Variants in RPH3AL observed in about 807,000 individuals in gnomAD.
RPH3AL encodes the protein rab effector Noc2.
In RPH3AL, 38 loss-of-function variants were observed where a neutral mutation model predicts 43.1. That is an observed-to-expected ratio of 0.88 (90% CI 0.68 to 1.15). The LOEUF is 1.15. Among genes scored for constraint, RPH3AL ranks in the 50% most tolerant of loss-of-function variants. RPH3AL has a pLI of 0.00. For synonymous variants in RPH3AL, 189 were observed against 176.3 expected, an observed-to-expected ratio of 1.07 and a Z score of -0.57; for missense variants, 462 against 423.2, an observed-to-expected ratio of 1.09 and a Z score of -0.81.
intron 5 of RPH3AL, among the ~76,000 whole-genome samples, chr17:296,657 G>A (rs2043188327): frequency 1.3e-5 from 2 of 152,242 alleles, no homozygotes; most frequent in Admixed American, 1.3e-4. Flanking sequence ...TCACCTCTGA[G>A]GGGCTGTGGG....
At chr17:273,520 G>T (rs112926643) in intron 6 of RPH3AL, among the ~76,000 whole-genome samples, 1 of 40,808 alleles carries the variant, frequency 2.5e-5, no homozygotes, top group Non-Finnish European at 5.2e-5. Context: ...CGAGGGTGAC[G>T]TCAGGGAGAG....
intron 6 of RPH3AL, among the ~76,000 whole-genome samples, chr17:259,158 A>G (rs1352811456): frequency 6.6e-6 from 1 of 152,096 alleles, no homozygotes; most frequent in African/African-American, 2.4e-5. Context: ...AAGGTCTAAG[A>G]GCTCACCCTG....
At chr17:279,652 T>A (rs184836408) in intron 6 of RPH3AL, among the ~76,000 whole-genome samples, 7 of 152,310 alleles carry the variant, frequency 4.6e-5, no homozygotes, top group Middle Eastern at 3.4e-3. Context: ...CACTTTCTTT[T>A]CCTTCAAAGA....
chr17:329,406 G>A (rs1032201604), intron 2 of RPH3AL, among the ~76,000 whole-genome samples: 1 of 152,182 alleles, frequency 6.6e-6, no homozygotes, highest in Non-Finnish European at 1.5e-5. Context: ...AACCCTGGAG[G>A]TGGAGGTTGC....
At chr17:349,051 G>A (rs955546472) in intron 1 of RPH3AL, 7 of 152,174 alleles carry the variant, frequency 4.6e-5, no homozygotes, top group Non-Finnish European at 8.8e-5. Flanking sequence ...CACTGGGAGT[G>A]AAGAGAAGGC....
chr17:245,666 G>A lies in RPH3AL; in HGVS notation c.613+1445C>T, dbSNP rs1555539664. On this transcript the variant is annotated intron_variant, in intron 7 of 9. Coordinates refer to ENST00000331302, the MANE Select transcript of RPH3AL (RefSeq NM_006987.4). The surrounding 1 kb of genome is among the most constrained non-coding windows in gnomAD (Gnocchi z 5.9). ...TGAGGGACATGGACAGATCTCGAGG[G>A]CTCAGCAGGAGAAGGTCTGAGGTCC... Among the ~76,000 whole-genome samples the A allele has an allele frequency of 6.6e-6, 1 of 152,074 alleles. No homozygotes were observed. The highest frequency in any genetic ancestry group is 1.5e-5 in the Non-Finnish European group (1 of 68,018).
chr17:257,870 T>C (rs12937915), intron 6 of RPH3AL, among the ~76,000 whole-genome samples: 140 of 2,612 alleles, frequency 0.054, 2 homozygotes, highest in African/African-American at 0.074. Flanking sequence ...AGCCGCACGG[T>C]GTCTGTCCTG....
chr17:316,702 G>C (rs367857281), intron 5 of RPH3AL, among the ~76,000 whole-genome samples: 3 of 28,746 alleles, frequency 1.0e-4, no homozygotes, highest in African/African-American at 1.4e-4. Context: ...CACCTCCATT[G>C]ACCTGTAGTC....
intron 1 of RPH3AL, among the ~76,000 whole-genome samples, chr17:334,340 C>T (rs975255833): frequency 6.6e-6 from 1 of 152,238 alleles, no homozygotes; most frequent in Non-Finnish European, 1.5e-5. Context: ...AAAACATATC[C>T]GGAGGCAAAA....
rs952955483 is a variant in RPH3AL at position 322,037 on chromosome 17, T to C, written c.78-622A>G. Among the ~76,000 whole-genome samples the C allele has an allele frequency of 1.3e-5, 2 of 152,078 alleles. No homozygotes were observed. Among genetic ancestry groups the C allele is most frequent in the Non-Finnish European group, 2.9e-5 (2 of 68,010 alleles). ...ATGTAATTAGGGTGAAGACACAGCG[T>C]TGATATGAACACTTTGAAAACTAGC... On this transcript the variant is annotated intron_variant, in intron 3 of 9. Coordinates refer to ENST00000331302, the MANE Select transcript of RPH3AL (RefSeq NM_006987.4). This position sits in a 1 kb window ranked among gnomAD's most constrained non-coding sequence, Gnocchi z 4.0.
rs879433667 is a variant in RPH3AL at position 245,262 on chromosome 17, C to T, written c.613+1849G>A. 2.5e-5 allele frequency among the ~76,000 whole-genome samples: 3 copies of T among 121,686 alleles called. No homozygotes were observed. Among genetic ancestry groups the T allele is most frequent in the East Asian group, 4.8e-4 (2 of 4,138 alleles). 79.8% of individuals were successfully genotyped at this position (121,686 alleles called of 152,430 possible). A position where few individuals can be genotyped will look rare whatever the true frequency, so the allele number is the denominator to read the frequency against. ...GTGGATGAGAGCATGTGTGTGTGCACGTGGATGTCAGTGTGTGTGTACGTG... is the reference window on the plus strand; with the variant it reads ...GTGGATGAGAGCATGTGTGTGTGCATGTGGATGTCAGTGTGTGTGTACGTG... On this transcript the variant is annotated intron_variant, in intron 7 of 9. Coordinates refer to ENST00000331302, the MANE Select transcript of RPH3AL (RefSeq NM_006987.4). This position sits in a 1 kb window ranked among gnomAD's most constrained non-coding sequence, Gnocchi z 5.9.
chr17:258,983 A>G (rs975221990), intron 6 of RPH3AL, among the ~76,000 whole-genome samples: 2 of 152,000 alleles, frequency 1.3e-5, no homozygotes, highest in Non-Finnish European at 2.9e-5. Flanking sequence ...ATTCACCCCA[A>G]TATTTATGCC....
At chr17:222,683 T>C (rs1567562186) in intron 7 of RPH3AL, among the ~76,000 whole-genome samples, 11 of 152,228 alleles carry the variant, frequency 7.2e-5, no homozygotes, top group Non-Finnish European at 1.5e-5. Flanking sequence ...TTCTGCAAGA[T>C]TGGCCCACAC....
chr17:282,425 T>C (rs937481843), intron 5 of RPH3AL, among the ~76,000 whole-genome samples: 2 of 152,106 alleles, frequency 1.3e-5, no homozygotes, highest in Non-Finnish European at 2.9e-5. Context: ...TATGCTCAGG[T>C]TCACATGGCA....
intron 6 of RPH3AL, among the ~76,000 whole-genome samples, chr17:253,077 C>T (rs1644988204): frequency 6.6e-6 from 1 of 152,192 alleles, no homozygotes; most frequent in African/African-American, 2.4e-5. Context: ...AATCCAAGGC[C>T]TCCTCTGTGG....
intron 6 of RPH3AL, among the ~76,000 whole-genome samples, chr17:256,297 C>G: frequency 7.3e-5 from 4 of 54,458 alleles, no homozygotes; most frequent in African/African-American, 1.8e-4. Flanking sequence ...ACGTGACTAC[C>G]CTACGTACTT....
intron 5 of RPH3AL, among the ~76,000 whole-genome samples, chr17:305,964 A>ATCC (rs1189438509): frequency 6.6e-6 from 1 of 150,784 alleles, no homozygotes; most frequent in Non-Finnish European, 1.5e-5. Context: ...GGCTCAAGCA[A>ATCC]TCCTCAGCCT....
At chr17:285,766 A>G (rs1031977139) in intron 5 of RPH3AL, among the ~76,000 whole-genome samples, 11 of 151,820 alleles carry the variant, frequency 7.2e-5, no homozygotes, top group Non-Finnish European at 1.6e-4. Flanking sequence ...CAGTCTCCCC[A>G]CTCAACCTGC....
intron 5 of RPH3AL, among the ~76,000 whole-genome samples, chr17:316,371 C>G (rs1262872118): frequency 6.7e-6 from 1 of 150,056 alleles, no homozygotes; most frequent in South Asian, 2.1e-4. Flanking sequence ...CCTCCATTGA[C>G]CTGTAGTCTC....
Sources: allele counts gnomAD v4.1 joint callset (sites outside exome capture counted in the v4.1 genomes callset), GRCh38; gene constraint gnomAD v4.1.1; non-coding constraint Gnocchi (gnomAD v3.1); transcripts MANE v1.5; gene names NCBI Gene and HGNC (gene_info 2026-07-23, HGNC 2026-07-21).